Variants in DOP1A observed in about 807,000 individuals in gnomAD.
DOP1A encodes the protein protein DOP1A.
In DOP1A, 90 loss-of-function variants were observed where a neutral mutation model predicts 267.6. That is an observed-to-expected ratio of 0.34 (90% CI 0.28 to 0.40). DOP1A has a LOEUF of 0.40. DOP1A is among the 10% of genes least tolerant of loss of function. DOP1A has a pLI of 1.00. For synonymous variants in DOP1A, 932 were observed against 999.1 expected, an observed-to-expected ratio of 0.93 and a Z score of 1.27; for missense variants, 2,437 against 2,900.4, an observed-to-expected ratio of 0.84 and a Z score of 3.67.
At chr6:83,120,541 A>G in intron 9 of DOP1A, 142 bp from the exon 10 acceptor site, 1 of 519,174 alleles carries the variant, frequency 1.9e-6, no homozygotes, top group Non-Finnish European at 3.1e-6. Context: ...TAAGAAGGCC[A>G]AGGTTGGTGA....
At chr6:83,092,463 T>C (rs886999033) in intron 1 of DOP1A, among the ~76,000 whole-genome samples, 2 of 152,036 alleles carry the variant, frequency 1.3e-5, no homozygotes, top group African/African-American at 4.8e-5. Context: ...TTTAAGTTCA[T>C]ATTTATTGTG....
Position 83,167,900 on chromosome 6 carries a change from T to C in DOP1A, c.7131T>C (p.Gly2377=), listed in dbSNP as rs773227618. ...PEEDNSGRTL[G]WEPGHLLLTI... is the part of the protein sequence containing the mutation. ...AAGACAACTCAGGGAGAACATTGGG[T>C]TGGGAGCCAGGGCACTTGCTGCTCA... Residue 2377 remains glycine (G), a synonymous_variant, in exon 39 of 39, where the codon GGT becomes GGC. Coordinates refer to ENST00000349129, the MANE Select transcript of DOP1A (RefSeq NM_015018.4). 4 of 1,613,458 alleles carry C rather than the reference T, an allele frequency of 2.5e-6. No individual in the cohort carries two copies. Among genetic ancestry groups the C allele is most frequent in the South Asian group, 1.1e-5 (1 of 90,938 alleles).
chr6:83,121,861 C>A, intron 10 of DOP1A, 69 bp from the exon 11 acceptor site: 1 of 1,464,048 alleles, frequency 6.8e-7, no homozygotes, highest in Non-Finnish European at 9.2e-7. Context: ...TTCATTGGGC[C>A]AATTTTCAGA....
intron 19 of DOP1A, 90 bp from the exon 20 acceptor site, chr6:83,135,528 CA>C: frequency 7.4e-7 from 1 of 1,353,004 alleles, no homozygotes. Flanking sequence ...ATAGTTAATT[CA>C]AAATAAGAAA....
At chr6:83,095,196 G>A (rs914809572) in intron 1 of DOP1A, among the ~76,000 whole-genome samples, 1 of 152,170 alleles carries the variant, frequency 6.6e-6, no homozygotes, top group Non-Finnish European at 1.5e-5. Flanking sequence ...GCCTCCTAAA[G>A]TGCTAGGATT....
chr6:83,079,635 G>A (rs1767733112), intron 1 of DOP1A, among the ~76,000 whole-genome samples: 1 of 151,748 alleles, frequency 6.6e-6, no homozygotes, highest in Admixed American at 6.6e-5. Flanking sequence ...TAAATATATT[G>A]GTTAGATTTT....
chr6:83,106,442 A>C (rs1773617044), intron 4 of DOP1A, among the ~76,000 whole-genome samples: 1 of 151,540 alleles, frequency 6.6e-6, no homozygotes, highest in Non-Finnish European at 1.5e-5. Context: ...AGATCATTTT[A>C]AGAGTATTTA....
intron 7 of DOP1A, among the ~76,000 whole-genome samples, chr6:83,118,535 G>A (rs2148011): frequency 0.79 from 119,725 of 152,150 alleles, 47,212 homozygotes; most frequent in South Asian, 0.84. Flanking sequence ...AGTTGACAAC[G>A]TTATAAATGT....
At chr6:83,127,311 A>G (rs959746603) in intron 15 of DOP1A, among the ~76,000 whole-genome samples, 1 of 152,214 alleles carries the variant, frequency 6.6e-6, no homozygotes, top group African/African-American at 2.4e-5. Context: ...AGTTCAGCCT[A>G]TACCCAGGAA....
intron 38 of DOP1A, among the ~76,000 whole-genome samples, chr6:83,163,207 A>C (rs974882302): frequency 4.1e-4 from 62 of 152,214 alleles, no homozygotes; most frequent in African/African-American, 1.4e-3. Flanking sequence ...CCCTCAAAAA[A>C]GAAAATAAAA....
At chr6:83,167,382 C>T (rs1481375454) in intron 38 of DOP1A, 2 of 984,508 alleles carry the variant, frequency 2.0e-6, no homozygotes, top group Non-Finnish European at 2.4e-6. Flanking sequence ...ACACTGCTAC[C>T]ATCATGGCAA....
At chr6:83,140,538 C>T in intron 23 of DOP1A, 135 bp downstream of exon 23, 2 of 746,058 alleles carry the variant, frequency 2.7e-6, no homozygotes, top group Non-Finnish European at 4.1e-6. Context: ...TAACAGTTTT[C>T]CTGGGCTATG....
chr6:83,129,133 G>T lies in DOP1A; in HGVS notation c.1966G>T (p.Val656Leu). 1.2e-6 allele frequency: 2 copies of T among 1,613,750 alleles called. No homozygotes were observed. Among genetic ancestry groups the T allele is most frequent in the Non-Finnish European group, 1.7e-6 (2 of 1,179,860 alleles). Residue 656 changes from valine to leucine, a missense_variant, in exon 16 of 39, where the codon GTA becomes TTA. Physicochemically the swap from Val to Leu is conservative, Grantham distance 32. Coordinates refer to ENST00000349129, the MANE Select transcript of DOP1A (RefSeq NM_015018.4). ...AGAAACCATCATCCAGACCCCTTCC[G>T]TAGTCACTCAGGGGACAGCAACCCG... ...SEETIIQTPS[V>L]VTQGTATRSR...
rs774816823 is a variant in DOP1A, at chr6:83,129,232, A to G, written c.2065A>G (p.Ile689Val). ...TGTCCAACAGTTTCTTACCAGACTTATCAACCTCTACATCATTCAGAATAA... is the reference window on the plus strand; with the variant it reads ...TGTCCAACAGTTTCTTACCAGACTTGTCAACCTCTACATCATTCAGAATAA... ...EYVQQFLTRL[I>V]NLYIIQNNSF... Residue 689 changes from isoleucine (I) to valine (V), a missense_variant, in exon 16 of 39, where the codon ATC (isoleucine) becomes GTC (valine). By Grantham distance (29) the Ile-to-Val change is conservative. This residue lies in a region of DOP1A where 498 missense variants were observed against 513.5 expected (regional missense o/e 0.97). Transcript: ENST00000349129. 2 of 1,613,526 alleles carry G rather than the reference A, an allele frequency of 1.2e-6. No individual in the cohort carries two copies. Among genetic ancestry groups the G allele is most frequent in the Admixed American group, 1.7e-5 (1 of 59,936 alleles).
chr6:83,088,314 T>G (rs1054537833), intron 1 of DOP1A, among the ~76,000 whole-genome samples: 1 of 151,948 alleles, frequency 6.6e-6, no homozygotes, highest in African/African-American at 2.4e-5. Flanking sequence ...GAGACAACAG[T>G]AAGGGCATGG....
At chr6:83,153,784 AT>A (rs1782201860) in intron 31 of DOP1A, 109 bp from the exon 32 acceptor site, 1 of 1,269,658 alleles carries the variant, frequency 7.9e-7, no homozygotes, top group African/African-American at 1.5e-5. Flanking sequence ...GGTGCTTTCT[AT>A]TTCATATCTT....
At chr6:83,131,304 T>C (rs1235509371) in intron 17 of DOP1A, among the ~76,000 whole-genome samples, 1 of 152,178 alleles carries the variant, frequency 6.6e-6, no homozygotes, top group Non-Finnish European at 1.5e-5. Context: ...CTTCAGATAT[T>C]TCCTCCTGCT....
Position 83,154,238 on chromosome 6 carries a change from ATGAG to A in DOP1A, c.6451+3_6451+6del, listed in dbSNP as rs1782280537. Reference sequence around the variant, plus strand: ...TGATAAAACAACATTTAGAGATTTGATGAGTGAGTATTACGGGATGACAATCCAA... The same window carrying A: ...TGATAAAACAACATTTAGAGATTTGATGAGTATTACGGGATGACAATCCAA... On this transcript the variant is annotated splice_donor_variant and coding_sequence_variant, in exon 33 of 39. Coordinates refer to ENST00000349129, the MANE Select transcript of DOP1A (RefSeq NM_015018.4). LOFTEE classifies it high-confidence loss of function. 5 of 1,613,162 alleles carry A rather than the reference ATGAG, an allele frequency of 3.1e-6. No homozygotes were observed. Among genetic ancestry groups the A allele is most frequent in the Non-Finnish European group, 3.4e-6 (4 of 1,179,372 alleles).
At chr6:83,167,141 A>C (rs1785925698) in intron 38 of DOP1A, 1 of 932,498 alleles carries the variant, frequency 1.1e-6, no homozygotes, top group African/African-American at 1.8e-5. Context: ...TGACTTCTCT[A>C]CTAAAAGGTA....
Sources: gnomAD v4.1 joint callset for allele counts (sites outside exome capture counted in the v4.1 genomes callset) on GRCh38, gnomAD v4.1.1 for gene constraint, gnomAD v4.1.1 regional missense constraint, MANE v1.5 for transcripts, NCBI Gene and HGNC (gene_info 2026-07-23, HGNC 2026-07-21) for gene names.